Variants in PSMD6 observed in about 807,000 individuals in gnomAD.
The protein encoded by PSMD6 is 26S proteasome non-ATPase regulatory subunit 6.
PSMD6 carries 7 observed loss-of-function variants against 44.9 expected under a neutral mutation model. That is an observed-to-expected ratio of 0.16 (90% confidence interval 0.09 to 0.29). The LOEUF is 0.29. Among genes scored for constraint, PSMD6 ranks in the 10% least tolerant of loss-of-function variants. The pLI, the probability that PSMD6 is intolerant of heterozygous loss-of-function variation, is 1.00. For synonymous variants in PSMD6, 184 were observed against 172.7 expected, an observed-to-expected ratio of 1.07 and a Z score of -0.51; for missense variants, 420 against 482.6, an observed-to-expected ratio of 0.87 and a Z score of 1.21.
At chr3:64,011,005 G>GA (rs763207957) in intron 6 of PSMD6, 50 bp from the exon 7 acceptor site, 14 of 1,436,920 alleles carry the variant, frequency 9.7e-6, no homozygotes, top group Non-Finnish European at 1.3e-5. Flanking sequence ...AAAATTCTTA[G>GA]AAAAATGCAA....
intron 2 of PSMD6, 119 bp downstream of exon 2, chr3:64,022,199 G>T: frequency 2.7e-6 from 3 of 1,131,452 alleles, no homozygotes; most frequent in Non-Finnish European, 3.8e-6. Context: ...AAGCAAGCAT[G>T]ATTACCTTTA....
Position 64,019,432 on chromosome 3 carries a change from G to C in PSMD6, c.361C>G (p.Leu121Val). 1 of 1,612,028 alleles carries C rather than the reference G, an allele frequency of 6.2e-7. No individual in the cohort carries two copies. The highest frequency in any genetic ancestry group is 1.1e-5 in the South Asian group (1 of 90,526). The change falls in exon 3 of 8, where the codon CTG (leucine) becomes GTG (valine). Residue 121 changes from leucine to valine, a missense_variant. Physicochemically the swap from Leu to Val is conservative, Grantham distance 32 (BLOSUM62 1). This residue lies in a region of PSMD6 where 216 missense variants were observed against 227.0 expected (regional missense o/e 0.95). Transcript: ENST00000295901. Reference sequence around the variant, plus strand: ...TCATATGTCTTGCGAAAGGCTGTCAGAGCTCCCTCCTGTCAAGAAAGCCAA... The same window carrying C: ...TCATATGTCTTGCGAAAGGCTGTCACAGCTCCCTCCTGTCAAGAAAGCCAA... ...LCRIGDKEGA[L>V]TAFRKTYDKT...
chr3:64,014,801 C>T (rs1292113062), intron 5 of PSMD6: 1 of 152,362 alleles, frequency 6.6e-6, no homozygotes, highest in African/African-American at 2.4e-5. Context: ...AGGCATGAGT[C>T]TGGTGCTCCA....
Position 64,023,451 on chromosome 3 carries a change from C to G in PSMD6, c.-32G>C. Reference sequence around the variant, plus strand: ...GAAGGGGACAGCGGCTGACAGGACACAACTTGGTTACGACCGGCTGCGGCA... The same window carrying G: ...GAAGGGGACAGCGGCTGACAGGACAGAACTTGGTTACGACCGGCTGCGGCA... On this transcript the variant is annotated 5_prime_UTR_variant, in exon 1 of 8. Coordinates refer to ENST00000295901, the MANE Select transcript of PSMD6 (RefSeq NM_014814.3). 6.4e-7 allele frequency: 1 copy of G among 1,559,776 alleles called. No homozygotes were observed. The highest frequency in any genetic ancestry group is 2.4e-5 in the East Asian group (1 of 41,170).
intron 2 of PSMD6, among the ~76,000 whole-genome samples, chr3:64,021,899 G>T (rs2076139240): frequency 6.6e-6 from 1 of 151,988 alleles, no homozygotes; most frequent in Admixed American, 6.6e-5. Flanking sequence ...ACAGAGTAAA[G>T]AAAGATAACA....
At chr3:64,021,347 T>C (rs2076127799) in intron 2 of PSMD6, among the ~76,000 whole-genome samples, 1 of 152,100 alleles carries the variant, frequency 6.6e-6, no homozygotes, top group Admixed American at 6.5e-5. Context: ...ACCTCTTAAA[T>C]ATAATGCTGA....
Position 64,010,715 on chromosome 3 carries a change from G to A in PSMD6, c.1123C>T (p.Leu375=). The change falls in exon 8 of 8, where the codon CTG becomes TTG. Residue 375 remains leucine (L), a synonymous_variant. Transcript: ENST00000295901. Reference sequence around the variant, plus strand: ...AGTTTTTGAACTCTGTTTAGTAGCAGATCTCCTTTCTTGATAGTTTCTTGG... The same window carrying A: ...AGTTTTTGAACTCTGTTTAGTAGCAAATCTCCTTTCTTGATAGTTTCTTGG... ...QYQETIKKGD[L]LLNRVQKLSR... 1 of 1,610,784 alleles carries A rather than the reference G, an allele frequency of 6.2e-7. No individual in the cohort carries two copies. The highest frequency in any genetic ancestry group is 8.5e-7 in the Non-Finnish European group (1 of 1,177,452).
chr3:64,018,410 T>C (rs2076081046), intron 5 of PSMD6, 189 bp downstream of exon 5: 2 of 497,032 alleles, frequency 4.0e-6, no homozygotes, highest in Non-Finnish European at 7.2e-6. Context: ...TCCTGGGCCA[T>C]ACAGCAGGCC....
At chr3:64,012,305 A>G (rs566283637) in intron 6 of PSMD6, 1 of 152,246 alleles carries the variant, frequency 6.6e-6, no homozygotes, top group Non-Finnish European at 1.5e-5. Flanking sequence ...ATCAACATTT[A>G]AAAACACCTA....
At chr3:64,011,148 T>C in intron 6 of PSMD6, 193 bp from the exon 7 acceptor site, 1 of 490,772 alleles carries the variant, frequency 2.0e-6, no homozygotes, top group Non-Finnish European at 3.6e-6. Flanking sequence ...AGAATAAACA[T>C]GATCCTAGAA....
chr3:64,015,746 T>TAACA (rs1251100449), intron 5 of PSMD6: 1 of 152,238 alleles, frequency 6.6e-6, no homozygotes, highest in Non-Finnish European at 1.5e-5. Flanking sequence ...AAAACCTGAT[T>TAACA]AACAGCAGTT....
intron 5 of PSMD6, chr3:64,017,389 G>A (rs2076062750): frequency 6.6e-6 from 1 of 152,000 alleles, no homozygotes; most frequent in Non-Finnish European, 1.5e-5. Context: ...AAGCAAGGAA[G>A]GGCTCCCTCA....
intron 5 of PSMD6, chr3:64,014,251 T>A (rs1255568064): frequency 6.6e-6 from 1 of 152,082 alleles, no homozygotes; most frequent in East Asian, 1.9e-4. Context: ...TCCACACAAA[T>A]ATAAATTATT....
chr3:64,023,495 GGC>G, upstream of PSMD6: 1 of 1,473,662 alleles, frequency 6.8e-7, no homozygotes, highest in South Asian at 1.4e-5. Context: ...GGGAGGAGTC[GGC>G]GAATACGCCC....
At chr3:64,013,691 G>C (rs566135143) in intron 5 of PSMD6, 84 bp from the exon 6 acceptor site, 1 of 1,228,448 alleles carries the variant, frequency 8.1e-7, no homozygotes, top group Non-Finnish European at 1.1e-6. Context: ...TACTAGTTGA[G>C]TCCAACAGAT....
intron 5 of PSMD6, chr3:64,017,784 A>T (rs2076070564): frequency 6.6e-6 from 1 of 152,236 alleles, no homozygotes; most frequent in African/African-American, 2.4e-5. Context: ...GTCCATTCCC[A>T]CTTTTCTCCA....
intron 2 of PSMD6, 42 bp downstream of exon 2, chr3:64,022,276 A>C (rs1215280568): frequency 6.3e-7 from 1 of 1,598,026 alleles, no homozygotes; most frequent in Admixed American, 1.7e-5. Flanking sequence ...CTCCAATTTT[A>C]GCCTATACTA....
At position 64,023,477 on chromosome 3, in the gene PSMD6, G is replaced by A. The variant is rs1193417443; in HGVS notation, c.-58C>T. ...AACTTGGTTACGACCGGCTGCGGCA[G>A]CGGAAGCGGGAGGAGTCGGCGAATA... On this transcript the variant is annotated 5_prime_UTR_variant, in exon 1 of 8. Coordinates refer to ENST00000295901, the MANE Select transcript of PSMD6 (RefSeq NM_014814.3). 1 of 1,499,786 alleles carries A rather than the reference G, an allele frequency of 6.7e-7. No homozygotes were observed. Among genetic ancestry groups the A allele is most frequent in the Non-Finnish European group, 9.0e-7 (1 of 1,117,002 alleles). 92.9% of individuals were successfully genotyped at this position (1,499,786 alleles called of 1,614,324 possible).
At chr3:64,013,764 C>G (rs2075999538) in intron 5 of PSMD6, 157 bp from the exon 6 acceptor site, 2 of 611,514 alleles carry the variant, frequency 3.3e-6, no homozygotes, top group Non-Finnish European at 5.2e-6. Flanking sequence ...ATGGCAGCAA[C>G]AGCAGTGATA....
Sources: gnomAD v4.1 joint callset for allele counts (sites outside exome capture counted in the v4.1 genomes callset) on GRCh38, gnomAD v4.1.1 for gene constraint, gnomAD v4.1.1 regional missense constraint, MANE v1.5 for transcripts, NCBI Gene and HGNC (gene_info 2026-07-23, HGNC 2026-07-21) for gene names.